The following OCA2 variants were observed in gnomAD, a reference collection of about 807,000 sequenced individuals.
The protein encoded by OCA2 is P protein.
OCA2 carries 77 observed loss-of-function variants against 100.2 expected under a neutral mutation model. The observed-to-expected ratio is 0.77, with a 90% CI of 0.64 to 0.93. The LOEUF (loss-of-function observed/expected upper bound fraction) is 0.93. Ranked by LOEUF, OCA2 falls within the 40% of genes least tolerant of loss-of-function variation. OCA2 has a pLI of 0.00. For missense variants in OCA2, 1,062 were observed against 1,089.1 expected (o/e 0.98, Z 0.35); for synonymous variants, 432 against 439.2 (o/e 0.98, Z 0.21).
At chr15:28,057,375 C>T (rs753914648) in intron 2 of OCA2, among the ~76,000 whole-genome samples, 20 of 152,096 alleles carry the variant, frequency 1.3e-4, no homozygotes, top group Non-Finnish European at 2.5e-4. Context: ...GATGTTGCCA[C>T]GGCCCTCAAC....
intron 6 of OCA2, among the ~76,000 whole-genome samples, chr15:28,021,796 T>G (rs1419313199): frequency 6.6e-6 from 1 of 151,970 alleles, no homozygotes; most frequent in African/African-American, 2.4e-5. Flanking sequence ...CCTGCAGCCA[T>G]GAGAAGGTAG....
chr15:27,795,004 T>C (rs950663081), intron 23 of OCA2, among the ~76,000 whole-genome samples: 9 of 152,186 alleles, frequency 5.9e-5, no homozygotes, highest in Non-Finnish European at 8.8e-5. Context: ...CACTATAGCA[T>C]GGGAAGCAGG....
At chr15:27,978,980 C>G (rs2041059362) in intron 14 of OCA2, among the ~76,000 whole-genome samples, 1 of 152,182 alleles carries the variant, frequency 6.6e-6, no homozygotes, top group Non-Finnish European at 1.5e-5. Context: ...AGCCACCGCG[C>G]CTGGCCTTGT....
chr15:27,806,884 T>C (rs1329066621), intron 23 of OCA2, among the ~76,000 whole-genome samples: 1 of 152,086 alleles, frequency 6.6e-6, no homozygotes, highest in African/African-American at 2.4e-5. Context: ...GGTCAGCCCC[T>C]CAGTCTCTTC....
At chr15:28,004,688 G>A (rs898347234) in intron 9 of OCA2, among the ~76,000 whole-genome samples, 18 of 151,554 alleles carry the variant, frequency 1.2e-4, no homozygotes, top group African/African-American at 3.9e-4. Flanking sequence ...AGTCTCACAC[G>A]CTGACTCACA....
chr15:27,944,334 G>C (rs2039758628), intron 18 of OCA2, among the ~76,000 whole-genome samples: 1 of 152,210 alleles, frequency 6.6e-6, no homozygotes, highest in Non-Finnish European at 1.5e-5. Flanking sequence ...AACTTTGGCA[G>C]ACGTTTAGTT....
rs199834600 is a variant in OCA2 at position 27,890,240 on chromosome 15, T to C, written c.2080-18318A>G. ...TTTTAAAATCTAATATTCATGTCAC[T>C]GGAGTACTAGAAGGATAAAAGAATT... On this transcript the variant is annotated intron_variant, in intron 19 of 23. Transcript: ENST00000354638. Among the ~76,000 whole-genome samples, 17 of 152,266 alleles carry C rather than the reference T, an allele frequency of 1.1e-4. No individual in the cohort carries two copies. The East Asian group carries it at 2.5e-3, about 22-fold the overall frequency.
At chr15:27,770,675 C>G (rs972668509) in intron 23 of OCA2, among the ~76,000 whole-genome samples, 17 of 149,600 alleles carry the variant, frequency 1.1e-4, no homozygotes, top group Admixed American at 1.3e-4. Context: ...AGATGGACAG[C>G]GGTGGCTTCG....
rs753002048 is a variant in OCA2, at chr15:27,986,629, G to A, written c.1197C>T (p.Ala399=). Residue 399 remains alanine, a synonymous_variant, in exon 12 of 24, where the codon GCC becomes GCT. Transcript: ENST00000354638. Reference sequence around the variant, plus strand: ...CGAAAAATCCCGTTTCTGAAAATATGGCTACTAAGATCATCTATGGGGAAA... The same window carrying A: ...CGAAAAATCCCGTTTCTGAAAATATAGCTACTAAGATCATCTATGGGGAAA... The part of the protein sequence containing the change: ...ALLFGMMILV[A]IFSETGFFDY... 1 of 1,592,768 alleles carries A rather than the reference G, an allele frequency of 6.3e-7. No individual in the cohort carries two copies.
At chr15:27,928,888 A>G (rs539149487) in intron 18 of OCA2, among the ~76,000 whole-genome samples, 16 of 152,344 alleles carry the variant, frequency 1.1e-4, no homozygotes, top group African/African-American at 3.6e-4. Flanking sequence ...GAGGTTTATA[A>G]CCTAAATCCA....
At position 28,018,566 on chromosome 15, in the gene OCA2, G is replaced by T. The variant is rs1195427655; in HGVS notation, c.647-9C>A. 2.5e-6 allele frequency: 4 copies of T among 1,611,342 alleles called. No individual in the cohort carries two copies. Among genetic ancestry groups the T allele is most frequent in the Non-Finnish European group, 3.4e-6 (4 of 1,179,404 alleles). On this transcript the variant is annotated splice_polypyrimidine_tract_variant and intron_variant, in intron 6 of 23. Coordinates refer to ENST00000354638, the MANE Select transcript of OCA2 (RefSeq NM_000275.3). The stretch of plus-strand genomic sequence containing the variant: ...GCTGCTAAGGTTCACGGCTCGGAGA[G>T]TGTCAAGGAGAACCACAAGGCAGAC...
chr15:27,900,487 A>G (rs1350535964), intron 19 of OCA2, among the ~76,000 whole-genome samples: 4 of 152,060 alleles, frequency 2.6e-5, no homozygotes, highest in African/African-American at 9.7e-5. Flanking sequence ...CCTAACTTTC[A>G]AAGTATTCTT....
the OCA2 span, among the ~76,000 whole-genome samples, chr15:27,720,178 ATCC>A: frequency 6.6e-6 from 1 of 152,132 alleles, no homozygotes; most frequent in African/African-American, 2.4e-5. Context: ...ATTCCATCGC[ATCC>A]TCCTTTGTAA....
At chr15:27,798,481 AG>A (rs759922766) in intron 23 of OCA2, among the ~76,000 whole-genome samples, 6 of 152,226 alleles carry the variant, frequency 3.9e-5, no homozygotes, top group Non-Finnish European at 7.3e-5. Context: ...CTTCATTTGC[AG>A]GAGGTCATGA....
chr15:27,980,648 G>A (rs1047007408), intron 14 of OCA2, among the ~76,000 whole-genome samples: 6 of 152,062 alleles, frequency 3.9e-5, no homozygotes, highest in South Asian at 2.1e-4. Flanking sequence ...GATTTTCACC[G>A]GGTGTAGTAT....
At chr15:28,056,104 T>C (rs1439101978) in intron 2 of OCA2, among the ~76,000 whole-genome samples, 1 of 152,002 alleles carries the variant, frequency 6.6e-6, no homozygotes, top group Non-Finnish European at 1.5e-5. Flanking sequence ...CTGGCCACCT[T>C]GCTGTACAAG....
chr15:28,038,216 C>T (rs185222887), intron 2 of OCA2, among the ~76,000 whole-genome samples: 117 of 152,254 alleles, frequency 7.7e-4, no homozygotes, highest in Admixed American at 1.8e-3. Context: ...GCTAGGTTTA[C>T]CCCAAAAGCA....
At position 27,987,170 on chromosome 15, in the gene OCA2, G is replaced by C. The variant is rs571331126; in HGVS notation, c.1183-527C>G. 2.4e-4 allele frequency among the ~76,000 whole-genome samples: 37 copies of C among 152,198 alleles called. No homozygotes were observed. In the South Asian group the frequency reaches 5.2e-3, roughly 21 times the overall value. On this transcript the variant is annotated intron_variant, in intron 11 of 23. Transcript: ENST00000354638. ...AGTTTTATTGAAATGATTGCTCCCT[G>C]GGTTCCAGGTGAACCCAGAATGCCT...
chr15:28,025,042 A>T, intron 4 of OCA2, 140 bp from the exon 5 acceptor site: 18 of 786,864 alleles, frequency 2.3e-5, no homozygotes, highest in Non-Finnish European at 3.8e-5. Context: ...ATGAGGGAGA[A>T]CACCCTCATA....
Sources: allele counts gnomAD v4.1 joint callset (sites outside exome capture counted in the v4.1 genomes callset), GRCh38; gene constraint gnomAD v4.1.1; transcripts MANE v1.5; gene names NCBI Gene and HGNC (gene_info 2026-07-23, HGNC 2026-07-21).